Variants in PDE1A observed in about 807,000 individuals in gnomAD.
PDE1A encodes the protein dual specificity calcium/calmodulin-dependent 3',5'-cyclic nucleotide phosphodiesterase 1A.
In PDE1A, 35 loss-of-function variants were observed where a neutral mutation model predicts 61.7. The observed-to-expected ratio is 0.57, with a 90% CI of 0.43 to 0.75. The LOEUF (loss-of-function observed/expected upper bound fraction) is 0.75. Ranked by LOEUF, PDE1A falls within the 30% of genes least tolerant of loss-of-function variation. The probability of loss-of-function intolerance (pLI) is 0.00; values close to 1 mark genes in which losing one functional copy is unlikely to be tolerated. For missense variants in PDE1A, 597 were observed against 630.6 expected (o/e 0.95, Z 0.57); for synonymous variants, 232 against 213.2 (o/e 1.09, Z -0.77).
At chr2:182,186,986 C>T (rs183156720) in intron 11 of PDE1A, among the ~76,000 whole-genome samples, 1 of 152,124 alleles carries the variant, frequency 6.6e-6, no homozygotes, top group Non-Finnish European at 1.5e-5. Flanking sequence ...GGATTTTATT[C>T]TTTACTAACA....
upstream of PDE1A, among the ~76,000 whole-genome samples, chr2:182,525,745 A>C (rs1054202401): frequency 1.3e-5 from 2 of 152,194 alleles, no homozygotes; most frequent in Admixed American, 6.5e-5. Flanking sequence ...TGTAAGAATG[A>C]CTAATACATT....
At chr2:182,306,403 C>A (rs535593030) in intron 1 of PDE1A, among the ~76,000 whole-genome samples, 38 of 152,078 alleles carry the variant, frequency 2.5e-4, no homozygotes, top group African/African-American at 9.2e-4. Context: ...TTTGAGTAAT[C>A]TCCATATAGT....
the PDE1A span, among the ~76,000 whole-genome samples, chr2:182,606,820 G>A: frequency 6.6e-6 from 1 of 152,156 alleles, no homozygotes; most frequent in Non-Finnish European, 1.5e-5. Flanking sequence ...TGACAGCAGA[G>A]GGGAAGCTCT....
At chr2:182,565,037 C>G in the PDE1A span, among the ~76,000 whole-genome samples, 2 of 152,174 alleles carry the variant, frequency 1.3e-5, no homozygotes, top group Non-Finnish European at 2.9e-5. Context: ...TCGTCTGAAG[C>G]CTTCTTCTCT....
chr2:182,141,165 A>C (rs1690213204), exon 15 of PDE1A: 1 of 152,142 alleles, frequency 6.6e-6, no homozygotes. Flanking sequence ...ATTTCTATTT[A>C]CTTCTTTGAG....
At chr2:182,167,211 C>T (rs1691695541), downstream of PDE1A, among the ~76,000 whole-genome samples, 3 of 152,030 alleles carry the variant, frequency 2.0e-5, no homozygotes, top group Admixed American at 1.3e-4. Flanking sequence ...TGGTAAACTC[C>T]CTAACAATAG....
intron 1 of PDE1A, among the ~76,000 whole-genome samples, chr2:182,347,877 A>G (rs1410622434): frequency 6.6e-6 from 1 of 152,150 alleles, no homozygotes; most frequent in African/African-American, 2.4e-5. Flanking sequence ...CTGAAAATTA[A>G]AAAGGGTTTA....
chr2:182,455,388 C>G (rs1685838228), intron 2 of PDE1A, among the ~76,000 whole-genome samples: 1 of 151,876 alleles, frequency 6.6e-6, no homozygotes, highest in Admixed American at 6.6e-5. Context: ...ACCATTTGAC[C>G]CAGCCATCCC....
the PDE1A span, among the ~76,000 whole-genome samples, chr2:182,623,015 C>T: frequency 2.2e-3 from 341 of 152,264 alleles, 12 homozygotes; most frequent in South Asian, 0.065. Flanking sequence ...CACTCAACAA[C>T]ATTATTATTA....
At chr2:182,334,627 A>C (rs1697657875) in intron 1 of PDE1A, among the ~76,000 whole-genome samples, 1 of 152,214 alleles carries the variant, frequency 6.6e-6, no homozygotes, top group Non-Finnish European at 1.5e-5. Context: ...AATGTATCTC[A>C]AAATAATAAG....
chr2:182,287,324 T>C lies in PDE1A; in HGVS notation c.54-22910A>G, dbSNP rs185909268. On this transcript the variant is annotated intron_variant, in intron 1 of 13. Transcript: ENST00000351439. ...AATCACCCAGTCACTTTCTACCACA[T>C]CGATGTATTTTAACATTCTACATAA... Among the ~76,000 whole-genome samples, 487 of 152,236 alleles carry C rather than the reference T, an allele frequency of 3.2e-3. 1 individual carries two copies. The highest frequency in any genetic ancestry group is 4.5e-3 in the Non-Finnish European group (304 of 68,008).
the PDE1A span, among the ~76,000 whole-genome samples, chr2:182,558,617 A>T: frequency 6.6e-6 from 1 of 152,226 alleles, no homozygotes; most frequent in East Asian, 1.9e-4. Flanking sequence ...TGCAATTTTA[A>T]AACATCTGAC....
chr2:182,383,594 T>G (rs370905545), intron 1 of PDE1A, among the ~76,000 whole-genome samples: 1 of 152,022 alleles, frequency 6.6e-6, no homozygotes, highest in Non-Finnish European at 1.5e-5. Context: ...TGGAGAGAGG[T>G]AGGCAGAGCA....
the PDE1A span, among the ~76,000 whole-genome samples, chr2:182,594,824 TG>T: frequency 6.6e-6 from 1 of 152,180 alleles, no homozygotes; most frequent in African/African-American, 2.4e-5. Flanking sequence ...TGGATGCTGG[TG>T]GTCATAACAC....
intron 10 of PDE1A, among the ~76,000 whole-genome samples, chr2:182,193,409 G>T (rs942371140): frequency 1.3e-5 from 2 of 152,084 alleles, no homozygotes; most frequent in African/African-American, 4.8e-5. Context: ...AAATATGCAG[G>T]AATCCCCTGA....
intron 7 of PDE1A, among the ~76,000 whole-genome samples, chr2:182,223,354 T>G (rs1470453021): frequency 1.3e-5 from 2 of 152,160 alleles, no homozygotes; most frequent in South Asian, 2.1e-4. Context: ...ACTAACATAC[T>G]TCTACTCTGG....
intron 1 of PDE1A, among the ~76,000 whole-genome samples, chr2:182,316,921 A>G (rs927480535): frequency 1.9e-4 from 29 of 152,302 alleles, no homozygotes; most frequent in African/African-American, 6.7e-4. Context: ...AAAAGAGTGA[A>G]AAGTTACTTA....
intron 1 of PDE1A, among the ~76,000 whole-genome samples, chr2:182,347,920 T>C (rs962453514): frequency 7.2e-5 from 11 of 151,904 alleles, no homozygotes; most frequent in Non-Finnish European, 1.3e-4. Flanking sequence ...AAGAAAAAAA[T>C]AGAATGGTAG....
At chr2:182,358,029 A>C (rs983712766) in intron 1 of PDE1A, among the ~76,000 whole-genome samples, 1 of 152,140 alleles carries the variant, frequency 6.6e-6, no homozygotes, top group Non-Finnish European at 1.5e-5. Flanking sequence ...TAAGTGGATG[A>C]CTATCTCTTG....
Sources: gnomAD v4.1 joint callset for allele counts (sites outside exome capture counted in the v4.1 genomes callset) on GRCh38, gnomAD v4.1.1 for gene constraint, MANE v1.5 for transcripts, NCBI Gene and HGNC (gene_info 2026-07-23, HGNC 2026-07-21) for gene names.